The following AUTS2 variants were observed in gnomAD, a reference collection of about 807,000 sequenced individuals.
AUTS2 encodes activator of transcription and developmental regulator AUTS2, also known as autism susceptibility gene 2 protein.
A neutral mutation model predicts 112.4 loss-of-function variants in AUTS2; 17 were observed. The observed-to-expected ratio is 0.15, with a 90% CI of 0.10 to 0.23. AUTS2 has a LOEUF of 0.23. AUTS2 is among the 10% of genes least tolerant of loss of function. The pLI is 1.00. For synonymous variants in AUTS2, 751 were observed against 702.7 expected, an observed-to-expected ratio of 1.07 and a Z score of -1.09; for missense variants, 1,510 against 1,701.6, an observed-to-expected ratio of 0.89 and a Z score of 1.98.
At chr7:70,353,947 T>C (rs1205713905) in intron 4 of AUTS2, among the ~76,000 whole-genome samples, 2 of 152,228 alleles carry the variant, frequency 1.3e-5, no homozygotes, top group Admixed American at 1.3e-4. Context: ...CTGTTGAATG[T>C]TAAATGCCAC....
intron 6 of AUTS2, among the ~76,000 whole-genome samples, chr7:70,719,339 G>T (rs755345551): frequency 2.6e-5 from 4 of 152,150 alleles, no homozygotes; most frequent in Non-Finnish European, 5.9e-5. Flanking sequence ...AGCGTTTAGG[G>T]TTGCCTGGTT....
At chr7:70,346,810 A>G (rs1056969501) in intron 4 of AUTS2, among the ~76,000 whole-genome samples, 1 of 152,132 alleles carries the variant, frequency 6.6e-6, no homozygotes, top group Non-Finnish European at 1.5e-5. Context: ...CCCCAAATGA[A>G]GCTTCCTAGG....
intron 4 of AUTS2, among the ~76,000 whole-genome samples, chr7:70,370,908 C>T (rs1432420574): frequency 6.6e-6 from 1 of 151,894 alleles, no homozygotes; most frequent in East Asian, 1.9e-4. Context: ...TTTTAGTCTG[C>T]ATTTCCATGA....
chr7:69,794,782 C>T (rs1789767487), intron 1 of AUTS2, among the ~76,000 whole-genome samples: 1 of 151,998 alleles, frequency 6.6e-6, no homozygotes, highest in Admixed American at 6.6e-5. Context: ...TCAAGGTTAC[C>T]TGTTATTACA....
At chr7:70,647,438 C>T (rs1429375943) in intron 5 of AUTS2, among the ~76,000 whole-genome samples, 1 of 152,198 alleles carries the variant, frequency 6.6e-6, no homozygotes, top group Non-Finnish European at 1.5e-5. Flanking sequence ...GCCTGAGTCC[C>T]TGTGAGGAGT....
intron 5 of AUTS2, among the ~76,000 whole-genome samples, chr7:70,441,827 T>G (rs1796133467): frequency 6.6e-6 from 1 of 152,192 alleles, no homozygotes; most frequent in South Asian, 2.1e-4. Context: ...CATGCCTAAC[T>G]TGGCTCGTGC....
chr7:70,714,074 G>A (rs1810218019), intron 6 of AUTS2, among the ~76,000 whole-genome samples: 1 of 152,018 alleles, frequency 6.6e-6, no homozygotes, highest in African/African-American at 2.4e-5. Flanking sequence ...TTTCAATAGG[G>A]AATATTTTCA....
intron 2 of AUTS2, among the ~76,000 whole-genome samples, chr7:70,051,718 T>TA (rs1230507513): frequency 1.3e-5 from 2 of 151,866 alleles, no homozygotes; most frequent in African/African-American, 2.4e-5. Context: ...AAACTCCATC[T>TA]AAAAAAAACA....
intron 2 of AUTS2, among the ~76,000 whole-genome samples, chr7:70,051,202 T>C (rs771383338): frequency 6.6e-6 from 1 of 152,158 alleles, no homozygotes; most frequent in Admixed American, 6.5e-5. Flanking sequence ...GGAAACAGGA[T>C]AGGCAAAGGT....
intron 1 of AUTS2, among the ~76,000 whole-genome samples, chr7:69,724,950 A>G (rs1370645872): frequency 6.6e-6 from 1 of 152,208 alleles, no homozygotes; most frequent in Non-Finnish European, 1.5e-5. Flanking sequence ...TAGAAATGGT[A>G]TTAGAAAAAA....
At chr7:69,600,316 C>T (rs1302400158) in intron 1 of AUTS2, among the ~76,000 whole-genome samples, 1 of 152,036 alleles carries the variant, frequency 6.6e-6, no homozygotes, top group Non-Finnish European at 1.5e-5. Flanking sequence ...CCTCTCCCTC[C>T]CCAATCATGG....
At chr7:70,558,968 A>C (rs140533717) in intron 5 of AUTS2, among the ~76,000 whole-genome samples, 88 of 152,330 alleles carry the variant, frequency 5.8e-4, no homozygotes, top group African/African-American at 2.1e-3. Flanking sequence ...CTCACCTTGA[A>C]TCGCACCTTG....
intron 2 of AUTS2, among the ~76,000 whole-genome samples, chr7:70,078,211 C>T (rs1803129791): frequency 6.6e-6 from 1 of 151,186 alleles, no homozygotes; most frequent in Non-Finnish European, 1.5e-5. Flanking sequence ...CAGTACCAAA[C>T]CCTTTCCATA....
chr7:70,293,245 T>C (rs761400637), intron 4 of AUTS2: 4 of 152,234 alleles, frequency 2.6e-5, no homozygotes, highest in Non-Finnish European at 4.4e-5. Context: ...GGGGATACTT[T>C]GTAAGTAAAG....
intron 4 of AUTS2, among the ~76,000 whole-genome samples, chr7:70,160,902 A>G (rs775716237): frequency 3.9e-5 from 6 of 152,204 alleles, no homozygotes; most frequent in Non-Finnish European, 8.8e-5. Flanking sequence ...GGCTCAAAAT[A>G]CTACTAAATG....
At chr7:69,796,594 T>C (rs1789854262) in intron 1 of AUTS2, among the ~76,000 whole-genome samples, 1 of 151,880 alleles carries the variant, frequency 6.6e-6, no homozygotes, top group Non-Finnish European at 1.5e-5. Context: ...TTTCCCAGAA[T>C]TGGACATTTT....
At chr7:69,724,462 C>G (rs1018423761) in intron 1 of AUTS2, among the ~76,000 whole-genome samples, 3 of 151,980 alleles carry the variant, frequency 2.0e-5, no homozygotes, top group Non-Finnish European at 2.9e-5. Flanking sequence ...CCTTTTTTCC[C>G]TACAAATGAT....
intron 3 of AUTS2, chr7:70,119,382 T>C (rs76005799): frequency 6.6e-6 from 1 of 151,716 alleles, no homozygotes; most frequent in Non-Finnish European, 1.5e-5. Context: ...TTTTTTTTTT[T>C]TGAGACTGAG....
chr7:70,273,471 T>TTTATTA lies in AUTS2; in HGVS notation c.660+138918_660+138923dup, dbSNP rs71077642. 3.8e-3 allele frequency among the ~76,000 whole-genome samples: 574 copies of TTTATTA among 150,650 alleles called. 3 individuals are homozygous for TTTATTA. Among genetic ancestry groups the TTTATTA allele is most frequent in the Middle Eastern group, 0.014 (4 of 290 alleles). ...TATTGGTATTATACTACCTATAGCT[T>TTTATTA]TTATTATTATTATTATTATTATTTT... is the stretch of plus-strand genomic sequence containing the variant. On this transcript the variant is annotated intron_variant, in intron 4 of 18. Transcript: ENST00000342771.
Sources: gnomAD v4.1 joint callset for allele counts (sites outside exome capture counted in the v4.1 genomes callset) on GRCh38, gnomAD v4.1.1 for gene constraint, MANE v1.5 for transcripts, NCBI Gene and HGNC (gene_info 2026-07-23, HGNC 2026-07-21) for gene names.